Variants in PTPRD observed in about 807,000 individuals in gnomAD.
PTPRD encodes the protein receptor-type tyrosine-protein phosphatase delta.
In PTPRD, 34 loss-of-function variants were observed where a neutral mutation model predicts 214.5. That is an observed-to-expected ratio of 0.16 (90% CI 0.12 to 0.21). PTPRD has a LOEUF of 0.21. Among genes scored for constraint, PTPRD ranks in the 10% least tolerant of loss-of-function variants. PTPRD has a pLI of 1.00. For missense variants in PTPRD, 2,545 were observed against 2,398.7 expected, an observed-to-expected ratio of 1.06 and a Z score of -1.27; for synonymous variants, 1,128 against 845.7, an observed-to-expected ratio of 1.33 and a Z score of -5.79.
intron 6 of PTPRD, among the ~76,000 whole-genome samples, chr9:9,765,458 C>G (rs2098698931): frequency 6.6e-6 from 1 of 152,070 alleles, no homozygotes; most frequent in Admixed American, 6.5e-5. Flanking sequence ...TAAAATTACT[C>G]TAATACAGGG....
intron 5 of PTPRD, among the ~76,000 whole-genome samples, chr9:9,820,021 G>A (rs2050169951): frequency 6.6e-6 from 1 of 152,146 alleles, no homozygotes; most frequent in Non-Finnish European, 1.5e-5. Flanking sequence ...GGATTGCTGG[G>A]TTGTATGATA....
intron 34 of PTPRD, among the ~76,000 whole-genome samples, chr9:8,442,532 G>A (rs1224439387): frequency 6.6e-6 from 1 of 152,058 alleles, no homozygotes; most frequent in East Asian, 1.9e-4. Flanking sequence ...TTGTGATAAA[G>A]GCTGGAGAAC....
chr9:9,836,782 G>A (rs886306236), intron 5 of PTPRD, among the ~76,000 whole-genome samples: 1 of 152,066 alleles, frequency 6.6e-6, no homozygotes, highest in Admixed American at 6.6e-5. Flanking sequence ...TATGTCTCAG[G>A]GTTGTTAAAT....
intron 9 of PTPRD, among the ~76,000 whole-genome samples, chr9:9,347,995 T>A (rs1402612620): frequency 6.6e-6 from 1 of 152,158 alleles, no homozygotes; most frequent in Non-Finnish European, 1.5e-5. Flanking sequence ...AGAGAGTATG[T>A]CACCAAATTT....
intron 7 of PTPRD, among the ~76,000 whole-genome samples, chr9:9,686,371 A>G (rs1211080806): frequency 6.6e-6 from 1 of 151,324 alleles, no homozygotes; most frequent in South Asian, 2.1e-4. Context: ...TACGCACTTC[A>G]ACAAATATTT....
chr9:8,496,211 A>AACACACAC lies in PTPRD; in HGVS notation c.2349+1023_2349+1030dup, dbSNP rs60850678. On this transcript the variant is annotated intron_variant, in intron 26 of 45. Transcript: ENST00000381196. ...ACACACACACACACACACACACACA[A>AACACACAC]ACACACACACACACACACACTTTTT... Among the ~76,000 whole-genome samples the AACACACAC allele has an allele frequency of 2.8e-4, 26 of 91,446 alleles. No individual in the cohort carries two copies. The South Asian group carries it at 3.1e-3, about 11-fold the overall frequency. The allele number at this position is 91,446 out of a possible 152,430, so 60.0% of individuals were successfully genotyped here. A position where few individuals can be genotyped will look rare whatever the true frequency, so the allele number is the denominator to read the frequency against.
At chr9:8,821,683 G>C (rs1194655852) in intron 11 of PTPRD, among the ~76,000 whole-genome samples, 1 of 152,066 alleles carries the variant, frequency 6.6e-6, no homozygotes, top group Non-Finnish European at 1.5e-5. Context: ...TTCAACTTCA[G>C]GAAACAGAGT....
At chr9:9,337,875 C>T (rs2045205176) in intron 9 of PTPRD, among the ~76,000 whole-genome samples, 2 of 152,130 alleles carry the variant, frequency 1.3e-5, no homozygotes, top group South Asian at 4.1e-4. Flanking sequence ...CCAGCAGGTA[C>T]TAAATAAACA....
intron 10 of PTPRD, among the ~76,000 whole-genome samples, chr9:9,122,035 C>A (rs2154464611): frequency 6.6e-6 from 1 of 152,238 alleles, no homozygotes; most frequent in South Asian, 2.1e-4. Context: ...GAGACTCCCT[C>A]TCTACTCCAC....
chr9:9,081,938 A>G (rs1243171252), intron 10 of PTPRD, among the ~76,000 whole-genome samples: 1 of 151,632 alleles, frequency 6.6e-6, no homozygotes, highest in Non-Finnish European at 1.5e-5. Flanking sequence ...TGAATAGACC[A>G]TAACAAGTTC....
chr9:9,771,408 G>C (rs1333296838), intron 5 of PTPRD, among the ~76,000 whole-genome samples: 1 of 152,030 alleles, frequency 6.6e-6, no homozygotes, highest in Non-Finnish European at 1.5e-5. Context: ...GTCAAAATTC[G>C]ATGTATCCAT....
chr9:8,953,672 G>C (rs2099115620), intron 11 of PTPRD, among the ~76,000 whole-genome samples: 1 of 151,618 alleles, frequency 6.6e-6, no homozygotes, highest in Non-Finnish European at 1.5e-5. Context: ...ATAACCCAGT[G>C]AAAATATAGG....
At chr9:10,324,406 T>C (rs1272844640) in intron 3 of PTPRD, among the ~76,000 whole-genome samples, 1 of 152,062 alleles carries the variant, frequency 6.6e-6, no homozygotes, top group Non-Finnish European at 1.5e-5. Context: ...GCAGAAATAA[T>C]TGATGGCAAG....
At chr9:10,141,954 C>T (rs1449306095) in intron 3 of PTPRD, among the ~76,000 whole-genome samples, 3 of 152,096 alleles carry the variant, frequency 2.0e-5, no homozygotes, top group African/African-American at 7.2e-5. Flanking sequence ...GAACAGAGCC[C>T]TCAGAAATAA....
At chr9:9,990,513 G>A (rs1404851237) in intron 4 of PTPRD, among the ~76,000 whole-genome samples, 1 of 152,166 alleles carries the variant, frequency 6.6e-6, no homozygotes, top group Non-Finnish European at 1.5e-5. Flanking sequence ...AGGCATGACT[G>A]TGCCCAGTGG....
Position 8,691,130 on chromosome 9 carries a change from T to C in PTPRD, c.64+42650A>G, listed in dbSNP as rs369187814. Among the ~76,000 whole-genome samples, 92 of 152,302 alleles carry C rather than the reference T, an allele frequency of 6.0e-4. 1 individual carries two copies. The highest frequency in any genetic ancestry group is 2.1e-3 in the African/African-American group (89 of 41,566). The stretch of plus-strand genomic sequence containing the variant: ...AATGAAATGGCTTTTGACAAAACTA[T>C]TCCTCGTGGCCACATCCCCGAATAT... On this transcript the variant is annotated intron_variant, in intron 12 of 45. Coordinates refer to ENST00000381196, the MANE Select transcript of PTPRD (RefSeq NM_002839.4).
intron 8 of PTPRD, among the ~76,000 whole-genome samples, chr9:9,505,420 A>C (rs1057332754): frequency 6.6e-6 from 1 of 151,500 alleles, no homozygotes; most frequent in Admixed American, 6.6e-5. Flanking sequence ...ATAGGATGTA[A>C]ATATTTAGAA....
intron 3 of PTPRD, among the ~76,000 whole-genome samples, chr9:10,155,381 A>C (rs1290829552): frequency 6.6e-6 from 1 of 152,052 alleles, no homozygotes; most frequent in Non-Finnish European, 1.5e-5. Context: ...ATATGGAGTC[A>C]TGTTGTCTGC....
At chr9:10,326,499 T>C (rs542088312) in intron 3 of PTPRD, among the ~76,000 whole-genome samples, 1 of 151,764 alleles carries the variant, frequency 6.6e-6, no homozygotes, top group Admixed American at 6.6e-5. Flanking sequence ...AAGTTGAATA[T>C]TTATTTGTTT....
Sources: gnomAD v4.1 joint callset for allele counts (sites outside exome capture counted in the v4.1 genomes callset) on GRCh38, gnomAD v4.1.1 for gene constraint, MANE v1.5 for transcripts, NCBI Gene and HGNC (gene_info 2026-07-23, HGNC 2026-07-21) for gene names.